FAM186A: variants seen among roughly 807,000 people sequenced by gnomAD.
FAM186A encodes family with sequence similarity 186 member A, also known as protein FAM186A.
A neutral mutation model predicts 216.8 loss-of-function variants in FAM186A; 163 were observed. The observed-to-expected ratio is 0.75, with a 90% confidence interval of 0.66 to 0.86. The LOEUF (loss-of-function observed/expected upper bound fraction) is 0.86, where lower values mean the gene tolerates loss of function less well. Among genes scored for constraint, FAM186A ranks in the 40% least tolerant of loss-of-function variants. The pLI is 0.00. For synonymous variants in FAM186A, 805 were observed against 1,025.3 expected (o/e 0.79, Z 4.10); for missense variants, 2,184 against 2,746.2 (o/e 0.80, Z 4.58).
intron 1 of FAM186A, among the ~76,000 whole-genome samples, chr12:50,372,997 AT>A (rs749105324): frequency 0.58 from 39,945 of 68,448 alleles, 11,746 homozygotes; most frequent in Admixed American, 0.65. Context: ...GAAGGAAGGA[AT>A]GAAAGAAAGA....
intron 7 of FAM186A, among the ~76,000 whole-genome samples, chr12:50,328,013 T>C (rs926471155): frequency 4.6e-5 from 7 of 152,222 alleles, no homozygotes; most frequent in African/African-American, 1.4e-4. Context: ...TTTCCAAGGA[T>C]AGACCTGTCT....
chr12:50,363,474 G>C, intron 1 of FAM186A, 110 bp from the exon 2 acceptor site: 3 of 974,546 alleles, frequency 3.1e-6, no homozygotes, highest in South Asian at 1.9e-5. Context: ...TCCAATTAAA[G>C]TCTTGCTAAT....
At chr12:50,339,907 G>A (rs1265656436) in intron 4 of FAM186A, among the ~76,000 whole-genome samples, 3 of 151,788 alleles carry the variant, frequency 2.0e-5, no homozygotes, top group East Asian at 3.9e-4. Flanking sequence ...GCGCAATCTC[G>A]GTTCACTGCA....
At position 50,351,363 on chromosome 12, in the gene FAM186A, C is replaced by G; in HGVS notation, c.5469G>C (p.Gly1823=). The change falls in exon 4 of 8, where the codon GGG becomes GGC. Residue 1823 remains glycine (G), a synonymous_variant. Coordinates refer to ENST00000327337, the MANE Select transcript of FAM186A (RefSeq NM_001145475.3). ...GAGGGGCCCGAGATATTGGGAGCTG[C>G]CCAGGGGAGGGAGGGGCCTGTGGTG... is the stretch of plus-strand genomic sequence containing the variant. ...FPAPQAPPSP[G]QLPISRAPPT... The G allele has an allele frequency of 6.8e-7, 1 of 1,479,668 alleles. No homozygotes were observed. The highest frequency in any genetic ancestry group is 9.0e-7 in the Non-Finnish European group (1 of 1,117,290). The allele number at this position is 1,479,668 out of a possible 1,614,324, so 91.7% of individuals were successfully genotyped here. A position where few individuals can be genotyped will look rare whatever the true frequency, so the allele number is the denominator to read the frequency against.
chr12:50,374,044 C>T (rs994418066), intron 1 of FAM186A, among the ~76,000 whole-genome samples: 1 of 150,954 alleles, frequency 6.6e-6, no homozygotes, highest in Non-Finnish European at 1.5e-5. Flanking sequence ...AGTAAACTAT[C>T]GCAAGAACAA....
chr12:50,333,080 T>A (rs1159509433), intron 5 of FAM186A, among the ~76,000 whole-genome samples: 2 of 152,034 alleles, frequency 1.3e-5, no homozygotes, highest in African/African-American at 2.4e-5. Context: ...TTCTGAAAAT[T>A]TACAATATAT....
chr12:50,392,906 CAG>C (rs1943374252), intron 1 of FAM186A, among the ~76,000 whole-genome samples: 1 of 148,810 alleles, frequency 6.7e-6, no homozygotes, highest in Non-Finnish European at 1.5e-5. Flanking sequence ...CCACCGCGCC[CAG>C]CCAGTATCAA....
At chr12:50,374,208 G>A (rs1488663266) in intron 1 of FAM186A, among the ~76,000 whole-genome samples, 3 of 150,936 alleles carry the variant, frequency 2.0e-5, no homozygotes, top group South Asian at 2.1e-4. Flanking sequence ...GCTAGATGAC[G>A]AGTTAGTGGG....
intron 4 of FAM186A, among the ~76,000 whole-genome samples, chr12:50,344,603 T>G (rs1373330410): frequency 6.6e-6 from 1 of 152,200 alleles, no homozygotes; most frequent in African/African-American, 2.4e-5. Context: ...GGTATAATAA[T>G]TTATTTTCCT....
chr12:50,328,247 C>A (rs1942623915), intron 7 of FAM186A, among the ~76,000 whole-genome samples: 1 of 152,134 alleles, frequency 6.6e-6, no homozygotes, highest in East Asian at 1.9e-4. Context: ...CCAGGTGTGC[C>A]TGTAATCCCA....
At chr12:50,373,181 G>A (rs1592626447) in intron 1 of FAM186A, among the ~76,000 whole-genome samples, 1 of 152,038 alleles carries the variant, frequency 6.6e-6, no homozygotes, top group African/African-American at 2.4e-5. Context: ...GGCATATCAC[G>A]AGGTCAGGAA....
intron 4 of FAM186A, among the ~76,000 whole-genome samples, chr12:50,346,032 C>T (rs1346529237): frequency 6.2e-5 from 9 of 144,728 alleles, no homozygotes; most frequent in East Asian, 6.0e-4. Flanking sequence ...GTTAGCCGGG[C>T]GTGGTGGCGT....
chr12:50,333,177 A>G (rs906931842), intron 5 of FAM186A, among the ~76,000 whole-genome samples: 3 of 152,240 alleles, frequency 2.0e-5, no homozygotes, highest in African/African-American at 7.2e-5. Context: ...AATCGATTTT[A>G]AGGAAAGACA....
rs550466370 is a variant in FAM186A, at chr12:50,363,190, T to G, written c.367A>C (p.Arg123=). Residue 123 remains arginine, a synonymous_variant, in exon 2 of 8, where the codon AGA becomes CGA. Coordinates refer to ENST00000327337, the MANE Select transcript of FAM186A (RefSeq NM_001145475.3). The part of the protein sequence containing the change: ...MATYAKTIEI[R]EKTLANILAW... ...AGAATGTTGGCAAGAGTCTTTTCTC[T>G]TATTTCAATAGTCTTAGCGTAAGTA... The G allele has an allele frequency of 1.3e-6, 2 of 1,551,346 alleles. No homozygotes were observed. The highest frequency in any genetic ancestry group is 1.7e-6 in the Non-Finnish European group (2 of 1,146,902).
chr12:50,369,676 C>CA (rs1463643352), intron 1 of FAM186A, among the ~76,000 whole-genome samples: 4 of 151,648 alleles, frequency 2.6e-5, no homozygotes, highest in Admixed American at 2.0e-4. Context: ...AACTCAATGT[C>CA]AAAAAAAGAA....
chr12:50,391,944 G>A lies in FAM186A; in HGVS notation c.192+4349C>T, dbSNP rs754005462. Reference sequence around the variant, plus strand: ...CCAGAAACAGCCCATGCCATGCCATGCCATGGAAAAACACTCAACAATAAA... The same window carrying A: ...CCAGAAACAGCCCATGCCATGCCATACCATGGAAAAACACTCAACAATAAA... On this transcript the variant is annotated intron_variant, in intron 1 of 7. Coordinates refer to ENST00000327337, the MANE Select transcript of FAM186A (RefSeq NM_001145475.3). Among the ~76,000 whole-genome samples the A allele has an allele frequency of 3.3e-5, 5 of 152,060 alleles. No individual in the cohort carries two copies. In the South Asian group the frequency reaches 6.2e-4, roughly 19 times the overall value.
In FAM186A at chr12:50,360,795, A is replaced by G. The variant is rs754667840; in HGVS notation, c.544T>C (p.Ser182Pro). 1 of 1,543,692 alleles carries G rather than the reference A, an allele frequency of 6.5e-7. No individual in the cohort carries two copies. Among genetic ancestry groups the G allele is most frequent in the Non-Finnish European group, 8.7e-7 (1 of 1,144,740 alleles). Residue 182 changes from serine to proline, a missense_variant, in exon 3 of 8, where the codon TCT (serine) becomes CCT (proline). Ser to Pro is a moderately conservative substitution (Grantham distance 74). Around this residue, in one of 7 missense-constraint regions of FAM186A, gnomAD observed 1,132 missense variants for 1,263.4 expected, o/e 0.90. Transcript: ENST00000327337. ...NVKILSRFST[S>P]FLDEKKKQKK... ...TGTTTCTTCTTTTCGTCGAGGAAAG[A>G]TGTACTAAATCTGCTTAGTATCTTG...
rs12317009 is a variant in FAM186A at position 50,392,143 on chromosome 12, G to T, written c.192+4150C>A. Among the ~76,000 whole-genome samples the T allele has an allele frequency of 3.7e-3, 473 of 127,260 alleles. 5 individuals carry two copies. Among genetic ancestry groups the T allele is most frequent in the African/African-American group, 0.014 (394 of 28,184 alleles). 83.5% of individuals were successfully genotyped at this position (127,260 alleles called of 152,430 possible). On this transcript the variant is annotated intron_variant, in intron 1 of 7. Transcript: ENST00000327337. The stretch of plus-strand genomic sequence containing the variant: ...GCAGATTGGTGGTTAGCTGGGGATT[G>T]GGGGTGGGGGGCAGGGAACAGCATG...
intron 1 of FAM186A, among the ~76,000 whole-genome samples, chr12:50,385,830 A>G (rs1464566372): frequency 6.6e-6 from 1 of 151,666 alleles, no homozygotes; most frequent in Non-Finnish European, 1.5e-5. Context: ...TGAACCCAGG[A>G]GGTGGAGCTT....
Sources: allele counts gnomAD v4.1 joint callset (sites outside exome capture counted in the v4.1 genomes callset), GRCh38; gene constraint gnomAD v4.1.1; regional missense constraint gnomAD v4.1.1; transcripts MANE v1.5; gene names NCBI Gene and HGNC (gene_info 2026-07-23, HGNC 2026-07-21).